The following SUPT3H variants were observed in gnomAD, a reference collection of about 807,000 sequenced individuals.
SUPT3H encodes the protein transcription initiation protein SPT3 homolog.
In SUPT3H, 44 loss-of-function variants were observed where a neutral mutation model predicts 44.3. The ratio of observed to expected loss-of-function variants is 0.99; its 90% CI spans 0.78 to 1.28. SUPT3H has a LOEUF of 1.28. Among genes scored for constraint, SUPT3H ranks in the 50% most tolerant of loss-of-function variants. The pLI is 0.00. For synonymous variants in SUPT3H, 124 were observed against 125.6 expected, an observed-to-expected ratio of 0.99 and a Z score of 0.09; for missense variants, 380 against 387.1, an observed-to-expected ratio of 0.98 and a Z score of 0.15.
intron 3 of SUPT3H, among the ~76,000 whole-genome samples, chr6:45,021,828 G>C (rs565922223): frequency 3.2e-4 from 48 of 152,072 alleles, no homozygotes; most frequent in African/African-American, 1.2e-3. Flanking sequence ...CTATGTGTCA[G>C]CTTTACCACT....
intron 3 of SUPT3H, among the ~76,000 whole-genome samples, chr6:45,066,208 A>C (rs1380848028): frequency 1.3e-5 from 2 of 151,618 alleles, no homozygotes; most frequent in Non-Finnish European, 2.9e-5. Flanking sequence ...AAAGACAAAA[A>C]CCACATGATT....
chr6:45,122,237 G>C (rs1379853305), intron 2 of SUPT3H, among the ~76,000 whole-genome samples: 1 of 152,052 alleles, frequency 6.6e-6, no homozygotes, highest in Non-Finnish European at 1.5e-5. Flanking sequence ...GTTTGGCAAG[G>C]GAGTGGAAAA....
chr6:44,975,000 G>T (rs143087593), intron 6 of SUPT3H, among the ~76,000 whole-genome samples: 1 of 152,004 alleles, frequency 6.6e-6, no homozygotes, highest in Non-Finnish European at 1.5e-5. Context: ...GTAAGACCCC[G>T]TCTCTACTAA....
At chr6:45,068,164 G>C (rs1203047303) in intron 3 of SUPT3H, among the ~76,000 whole-genome samples, 6 of 150,002 alleles carry the variant, frequency 4.0e-5, no homozygotes, top group Non-Finnish European at 8.9e-5. Flanking sequence ...TCCTTTGTAG[G>C]GACATGGATG....
At chr6:44,969,329 C>T (rs747919100) in intron 6 of SUPT3H, among the ~76,000 whole-genome samples, 1 of 152,144 alleles carries the variant, frequency 6.6e-6, no homozygotes, top group Non-Finnish European at 1.5e-5. Context: ...GAAGCATATA[C>T]ATTATACTTT....
intron 11 of SUPT3H, among the ~76,000 whole-genome samples, chr6:44,820,503 A>C (rs1767228456): frequency 6.6e-6 from 1 of 152,224 alleles, no homozygotes; most frequent in Non-Finnish European, 1.5e-5. Context: ...AGGCTGGAGA[A>C]GAACCAGAGA....
chr6:45,138,907 T>G (rs1199133652), intron 2 of SUPT3H, among the ~76,000 whole-genome samples: 1 of 152,184 alleles, frequency 6.6e-6, no homozygotes, highest in Admixed American at 6.5e-5. Context: ...ATGACAATAA[T>G]GCACTTGTAT....
intron 1 of SUPT3H, among the ~76,000 whole-genome samples, chr6:45,377,137 A>G (rs939703841): frequency 6.6e-6 from 1 of 152,120 alleles, no homozygotes; most frequent in African/African-American, 2.4e-5. Context: ...TGGAGAGCAA[A>G]AGCAGAGCTA....
At chr6:45,184,536 G>A (rs1345416124) in intron 2 of SUPT3H, among the ~76,000 whole-genome samples, 1 of 152,018 alleles carries the variant, frequency 6.6e-6, no homozygotes, top group East Asian at 1.9e-4. Flanking sequence ...TTGCATCAAC[G>A]TGGAAAGCCC....
intron 2 of SUPT3H, among the ~76,000 whole-genome samples, chr6:45,179,185 G>A (rs1472433510): frequency 2.0e-5 from 3 of 152,160 alleles, no homozygotes; most frequent in Non-Finnish European, 4.4e-5. Flanking sequence ...CCAGGAAGAA[G>A]TTGAATCTCT....
At chr6:45,005,477 C>CGTGA (rs1187457966) in intron 5 of SUPT3H, among the ~76,000 whole-genome samples, 2 of 152,028 alleles carry the variant, frequency 1.3e-5, no homozygotes, top group African/African-American at 4.8e-5. Flanking sequence ...TGGTGGCTCA[C>CGTGA]GCCTGTAATC....
chr6:44,917,456 T>C (rs1413873735), intron 10 of SUPT3H, among the ~76,000 whole-genome samples: 1 of 152,216 alleles, frequency 6.6e-6, no homozygotes, highest in Non-Finnish European at 1.5e-5. Context: ...ACTGACATAT[T>C]AATGGAAACA....
intron 2 of SUPT3H, among the ~76,000 whole-genome samples, chr6:45,290,519 T>G (rs1285196508): frequency 6.6e-6 from 1 of 151,912 alleles, no homozygotes; most frequent in Non-Finnish European, 1.5e-5. Flanking sequence ...GCATTTATTT[T>G]GTATTTACTC....
At chr6:45,285,008 T>C (rs553899030) in intron 2 of SUPT3H, among the ~76,000 whole-genome samples, 3 of 151,906 alleles carry the variant, frequency 2.0e-5, no homozygotes, top group African/African-American at 7.2e-5. Context: ...ATTATCTCAA[T>C]AGATGCAGAA....
At chr6:45,172,553 GA>G (rs944508659) in intron 2 of SUPT3H, among the ~76,000 whole-genome samples, 7 of 147,662 alleles carry the variant, frequency 4.7e-5, no homozygotes, top group South Asian at 4.3e-4. Flanking sequence ...CTGAAAACAG[GA>G]AAAAAAAAGT....
At chr6:44,921,048 T>C (rs1399126688) in intron 10 of SUPT3H, among the ~76,000 whole-genome samples, 1 of 152,230 alleles carries the variant, frequency 6.6e-6, no homozygotes, top group Non-Finnish European at 1.5e-5. Context: ...ATCAGTCACA[T>C]GGCACTGCTT....
chr6:45,070,108 T>C (rs570990799), intron 3 of SUPT3H, among the ~76,000 whole-genome samples: 1 of 152,214 alleles, frequency 6.6e-6, no homozygotes, highest in South Asian at 2.1e-4. Flanking sequence ...ACCTAAAGCA[T>C]AGAAGAAAAT....
chr6:45,365,655 A>G (rs1397437171), intron 1 of SUPT3H, among the ~76,000 whole-genome samples: 1 of 147,904 alleles, frequency 6.8e-6, no homozygotes, highest in African/African-American at 2.5e-5. Context: ...GCAATGCTTC[A>G]GGGCATTCTA....
intron 2 of SUPT3H, among the ~76,000 whole-genome samples, chr6:45,127,104 AG>A (rs1198107838): frequency 6.6e-6 from 1 of 152,188 alleles, no homozygotes; most frequent in African/African-American, 2.4e-5. Flanking sequence ...TCATGAGGTC[AG>A]GAGTTCGAGA....
Sources: allele counts gnomAD v4.1 joint callset (sites outside exome capture counted in the v4.1 genomes callset), GRCh38; gene constraint gnomAD v4.1.1; transcripts MANE v1.5; gene names NCBI Gene and HGNC (gene_info 2026-07-23, HGNC 2026-07-21).